CTNNA3: variants seen among roughly 807,000 people sequenced by gnomAD.
The protein encoded by CTNNA3 is catenin alpha 3.
CTNNA3 carries 76 observed loss-of-function variants against 95.7 expected under a neutral mutation model. The ratio of observed to expected loss-of-function variants is 0.79; its 90% confidence interval spans 0.66 to 0.96. The LOEUF (loss-of-function observed/expected upper bound fraction) is 0.96. Among genes scored for constraint, CTNNA3 ranks in the 40% least tolerant of loss-of-function variants. The pLI, the probability that CTNNA3 is intolerant of heterozygous loss-of-function variation, is 0.00. For missense variants in CTNNA3, 1,191 were observed against 1,089.8 expected, an observed-to-expected ratio of 1.09 and a Z score of -1.31; for synonymous variants, 431 against 374.4, an observed-to-expected ratio of 1.15 and a Z score of -1.74.
chr10:65,948,280 C>CA (rs56966630), intron 17 of CTNNA3, among the ~76,000 whole-genome samples: 15,530 of 97,318 alleles, frequency 0.16, 1,288 homozygotes, highest in Non-Finnish European at 0.18. Flanking sequence ...GACTCCATCT[C>CA]AAAAAAAAAA....
intron 11 of CTNNA3, among the ~76,000 whole-genome samples, chr10:66,494,227 G>T (rs1423129740): frequency 6.6e-6 from 1 of 152,088 alleles, no homozygotes; most frequent in Non-Finnish European, 1.5e-5. Flanking sequence ...TATTATTAAT[G>T]CAAAAAGTCC....
intron 7 of CTNNA3, among the ~76,000 whole-genome samples, chr10:66,997,763 GA>G (rs1213255570): frequency 6.6e-6 from 1 of 152,076 alleles, no homozygotes; most frequent in African/African-American, 2.4e-5. Flanking sequence ...CCAGGCAGAG[GA>G]AGTCCTCAAA....
chr10:66,156,115 G>C (rs2084494420), intron 13 of CTNNA3, among the ~76,000 whole-genome samples: 1 of 151,884 alleles, frequency 6.6e-6, no homozygotes, highest in African/African-American at 2.4e-5. Context: ...CTGAAAGGTA[G>C]ACAGAAGTTA....
chr10:67,358,283 A>G (rs1842884844), intron 5 of CTNNA3, among the ~76,000 whole-genome samples: 1 of 152,174 alleles, frequency 6.6e-6, no homozygotes, highest in Non-Finnish European at 1.5e-5. Flanking sequence ...CTTCATCAAC[A>G]CTAAAACATT....
At chr10:67,750,635 CT>C in intron 1 of CTNNA3, 2 of 1,547,514 alleles carry the variant, frequency 1.3e-6, no homozygotes, top group Non-Finnish European at 1.8e-6. Context: ...GGATACAAGT[CT>C]GGGGATGATT....
At chr10:67,495,737 G>A (rs963001475) in intron 5 of CTNNA3, among the ~76,000 whole-genome samples, 1 of 152,056 alleles carries the variant, frequency 6.6e-6, no homozygotes, top group African/African-American at 2.4e-5. Flanking sequence ...TATTACTTAG[G>A]CCTGATTTGA....
At chr10:66,260,456 G>T (rs2090956543) in intron 13 of CTNNA3, among the ~76,000 whole-genome samples, 1 of 152,098 alleles carries the variant, frequency 6.6e-6, no homozygotes, top group Admixed American at 6.6e-5. Context: ...CTATTTGGGG[G>T]ATAGGTAATC....
At chr10:67,244,851 C>G (rs1865851042) in intron 5 of CTNNA3, among the ~76,000 whole-genome samples, 1 of 152,090 alleles carries the variant, frequency 6.6e-6, no homozygotes, top group Non-Finnish European at 1.5e-5. Context: ...CCTGATAGTG[C>G]CCCTCAGCCC....
chr10:66,174,748 C>A (rs1470062042), intron 13 of CTNNA3, among the ~76,000 whole-genome samples: 1 of 152,000 alleles, frequency 6.6e-6, no homozygotes, highest in Non-Finnish European at 1.5e-5. Flanking sequence ...GGTCCTGGAA[C>A]CAATCCCCCA....
intron 3 of CTNNA3, among the ~76,000 whole-genome samples, chr10:67,596,495 G>C (rs904778625): frequency 7.2e-5 from 11 of 152,112 alleles, no homozygotes; most frequent in African/African-American, 2.7e-4. Context: ...TTCTAAAAAG[G>C]GTTTTATTTC....
intron 12 of CTNNA3, among the ~76,000 whole-genome samples, chr10:66,373,601 TA>T (rs34263718): frequency 4.7e-5 from 7 of 148,358 alleles, no homozygotes; most frequent in South Asian, 2.1e-4. Flanking sequence ...CTAATTGTGT[TA>T]AAAAAAAAAA....
intron 16 of CTNNA3, among the ~76,000 whole-genome samples, chr10:65,975,711 A>C (rs2133285292): frequency 6.6e-6 from 1 of 152,232 alleles, no homozygotes; most frequent in Non-Finnish European, 1.5e-5. Context: ...GCACCATTTT[A>C]ATTAGATCTA....
chr10:67,166,055 C>G (rs1485929689), intron 7 of CTNNA3, among the ~76,000 whole-genome samples: 2 of 152,182 alleles, frequency 1.3e-5, no homozygotes, highest in African/African-American at 4.8e-5. Flanking sequence ...GCCCCCAGTA[C>G]TGCACTTAAA....
intron 5 of CTNNA3, among the ~76,000 whole-genome samples, chr10:67,249,972 A>T (rs1206605383): frequency 6.6e-6 from 1 of 152,242 alleles, no homozygotes; most frequent in East Asian, 1.9e-4. Context: ...ATGAAACAAC[A>T]TTATTGGAGG....
chr10:67,051,700 G>A (rs1925600), intron 7 of CTNNA3, among the ~76,000 whole-genome samples: 53,453 of 150,608 alleles, frequency 0.35, 11,132 homozygotes, highest in East Asian at 0.51. Flanking sequence ...CACTGCACTC[G>A]GCCCACACAT....
intron 3 of CTNNA3, among the ~76,000 whole-genome samples, chr10:67,558,993 A>T (rs1348383256): frequency 6.6e-6 from 1 of 152,218 alleles, no homozygotes; most frequent in Non-Finnish European, 1.5e-5. Flanking sequence ...GGAAGCTCGA[A>T]CTGGGTGGAG....
At chr10:67,165,445 C>T (rs775288923) in intron 7 of CTNNA3, among the ~76,000 whole-genome samples, 1 of 152,110 alleles carries the variant, frequency 6.6e-6, no homozygotes, top group Admixed American at 6.6e-5. Context: ...ATTTCTGTAT[C>T]GTTTTTGTGT....
At chr10:66,413,680 G>GAGTCTTAAT (rs1193661882) in intron 11 of CTNNA3, among the ~76,000 whole-genome samples, 1 of 152,096 alleles carries the variant, frequency 6.6e-6, no homozygotes, top group Non-Finnish European at 1.5e-5. Context: ...ACAATCTCAG[G>GAGTCTTAAT]AGTCTTAATA....
In CTNNA3 at chr10:66,655,095, A is replaced by G. The variant is rs536089198; in HGVS notation, c.1282-33311T>C. Among the ~76,000 whole-genome samples the G allele has an allele frequency of 2.0e-4, 30 of 152,174 alleles. No individual in the cohort carries two copies. In the South Asian group the frequency reaches 6.0e-3, roughly 30 times the overall value. On this transcript the variant is annotated intron_variant, in intron 9 of 17. Transcript: ENST00000433211. ...TTAGAAAGTATTTTGTGTTCTTACC[A>G]CAAAAAAATGTTAACTATGTGAAGT...
Sources: gnomAD v4.1 joint callset for allele counts (sites outside exome capture counted in the v4.1 genomes callset) on GRCh38, gnomAD v4.1.1 for gene constraint, MANE v1.5 for transcripts, NCBI Gene and HGNC (gene_info 2026-07-23, HGNC 2026-07-21) for gene names.